TNNI3K: variants seen among roughly 807,000 people sequenced by gnomAD.
The protein encoded by TNNI3K is serine/threonine-protein kinase TNNI3K.
Under a neutral mutation model 114.5 loss-of-function variants are expected in TNNI3K, and 140 were observed. That is an observed-to-expected ratio of 1.22 (90% CI 1.07 to 1.41). The LOEUF is 1.41. TNNI3K is among the 40% of genes most tolerant of loss of function. TNNI3K has a pLI of 0.00. For synonymous variants in TNNI3K, 347 were observed against 347.5 expected (o/e 1.00, Z 0.02); for missense variants, 1,125 against 1,007.6 (o/e 1.12, Z -1.58).
chr1:74,305,470 AC>A (rs1208194723), intron 5 of TNNI3K, among the ~76,000 whole-genome samples: 4 of 152,060 alleles, frequency 2.6e-5, no homozygotes, highest in Non-Finnish European at 5.9e-5. Context: ...AAACTAGAAA[AC>A]CCTTGAAGCT....
Position 74,367,256 on chromosome 1 carries a change from G to T in TNNI3K, c.1178G>T (p.Gly393Val). The change falls in exon 12 of 25, where the codon GGG becomes GTG. Residue 393 changes from glycine (G) to valine (V), a missense_variant and splice_region_variant. Transcript: ENST00000326637. ...QTCLMWAYEK[G>V]HDAIVTLLKH... ...TTGTTCTTTGTATCTTTTCATAAAG[G>T]GCATGATGCCATTGTCACACTCCTG... 6.2e-7 allele frequency: 1 copy of T among 1,611,502 alleles called. No individual in the cohort carries two copies. Among genetic ancestry groups the T allele is most frequent in the South Asian group, 1.1e-5 (1 of 90,940 alleles).
chr1:74,275,853 G>A (rs983918638), intron 5 of TNNI3K, among the ~76,000 whole-genome samples: 4 of 152,070 alleles, frequency 2.6e-5, no homozygotes, highest in Non-Finnish European at 5.9e-5. Context: ...ACACACAAGA[G>A]TAGATGGCAT....
intron 11 of TNNI3K, among the ~76,000 whole-genome samples, chr1:74,358,335 A>G (rs1557518787): frequency 6.6e-6 from 1 of 152,124 alleles, no homozygotes; most frequent in East Asian, 1.9e-4. Flanking sequence ...ATAAGGGAGC[A>G]AAAACAATAA....
chr1:74,268,039 TAA>T (rs1656110385), intron 4 of TNNI3K, among the ~76,000 whole-genome samples: 1 of 151,964 alleles, frequency 6.6e-6, no homozygotes, highest in Non-Finnish European at 1.5e-5. Flanking sequence ...ATTTGTTGAA[TAA>T]AAGAGTATCC....
intron 5 of TNNI3K, among the ~76,000 whole-genome samples, chr1:74,310,628 T>G (rs558756): frequency 1 from 151,882 of 152,282 alleles, 75,743 homozygotes; most frequent in Non-Finnish European, 1. Context: ...GCATATAGAT[T>G]AACAGAACAC....
intron 4 of TNNI3K, among the ~76,000 whole-genome samples, chr1:74,254,016 T>C (rs1231788967): frequency 6.6e-6 from 1 of 152,262 alleles, no homozygotes. Flanking sequence ...ATAATTCATT[T>C]TGGGCTCCAG....
chr1:74,434,069 C>A (rs914018250), intron 17 of TNNI3K, among the ~76,000 whole-genome samples: 1 of 151,606 alleles, frequency 6.6e-6, no homozygotes, highest in Non-Finnish European at 1.5e-5. Context: ...GCACTTTAGT[C>A]ATTTGGTAAT....
chr1:74,534,733 C>A (rs1262459143), intron 23 of TNNI3K, among the ~76,000 whole-genome samples: 1 of 151,922 alleles, frequency 6.6e-6, no homozygotes, highest in Non-Finnish European at 1.5e-5. Context: ...CTACAGATTT[C>A]TTTTATATAA....
At chr1:74,311,404 T>C (rs1340584469) in intron 5 of TNNI3K, among the ~76,000 whole-genome samples, 1 of 152,174 alleles carries the variant, frequency 6.6e-6, no homozygotes, top group African/African-American at 2.4e-5. Context: ...TCCCTCCTTA[T>C]TGAAAAAAGT....
At chr1:74,262,138 A>G (rs1432497621) in intron 4 of TNNI3K, among the ~76,000 whole-genome samples, 1 of 152,130 alleles carries the variant, frequency 6.6e-6, no homozygotes, top group East Asian at 1.9e-4. Context: ...GACCCAAAGT[A>G]AGTGTTTCAT....
rs1354976784 is a variant in TNNI3K at position 74,481,037 on chromosome 1, G to C, written c.2122-8152G>C. The C allele has an allele frequency of 6.3e-6, 4 of 632,288 alleles. No individual in the cohort carries two copies. In the African/African-American group the frequency reaches 7.3e-5, roughly 12 times the overall value. The allele number at this position is 632,288 out of a possible 1,614,324, so 39.2% of individuals were successfully genotyped here. ...TGGGAGGGAGGGGGTATGGTGGAGA[G>C]CAGAGAATCAATATCCTCTGAGCAA... On this transcript the variant is annotated intron_variant, in intron 21 of 24. Transcript: ENST00000326637.
At chr1:74,453,335 A>G (rs954191084) in intron 20 of TNNI3K, among the ~76,000 whole-genome samples, 2 of 152,228 alleles carry the variant, frequency 1.3e-5, no homozygotes, top group African/African-American at 4.8e-5. Flanking sequence ...TTGGACAGTT[A>G]CCATGAATCA....
chr1:74,367,849 C>G, intron 12 of TNNI3K, 59 bp from the exon 13 acceptor site: 41 of 1,489,908 alleles, frequency 2.8e-5, no homozygotes, highest in Non-Finnish European at 3.4e-5. Context: ...TAATGTTGAA[C>G]TTTTATGTAG....
At chr1:74,316,287 T>C (rs1446866693) in intron 5 of TNNI3K, among the ~76,000 whole-genome samples, 1 of 152,224 alleles carries the variant, frequency 6.6e-6, no homozygotes, top group Non-Finnish European at 1.5e-5. Context: ...CTTGATCTCC[T>C]TTCCTCTGCC....
At chr1:74,397,995 G>GA (rs145410214) in intron 17 of TNNI3K, among the ~76,000 whole-genome samples, 1 of 152,126 alleles carries the variant, frequency 6.6e-6, no homozygotes, top group Admixed American at 6.5e-5. Flanking sequence ...ATAGCAGGGG[G>GA]AAAAAATTAA....
chr1:74,476,318 T>G (rs1668203456), intron 21 of TNNI3K, among the ~76,000 whole-genome samples: 1 of 152,158 alleles, frequency 6.6e-6, no homozygotes, highest in Non-Finnish European at 1.5e-5. Flanking sequence ...TCTTGACAAA[T>G]GGCATCCTCA....
chr1:74,313,983 A>C (rs1659144864), intron 5 of TNNI3K, among the ~76,000 whole-genome samples: 1 of 150,712 alleles, frequency 6.6e-6, no homozygotes, highest in African/African-American at 2.4e-5. Flanking sequence ...GATATTCTGT[A>C]GAGCCCAAGA....
chr1:74,433,070 C>T (rs1216172480), intron 17 of TNNI3K, among the ~76,000 whole-genome samples: 1 of 152,100 alleles, frequency 6.6e-6, no homozygotes, highest in Non-Finnish European at 1.5e-5. Flanking sequence ...TCTCTCTGCA[C>T]TGCCACCATC....
At chr1:74,477,166 A>G (rs182911257) in intron 21 of TNNI3K, among the ~76,000 whole-genome samples, 76 of 152,276 alleles carry the variant, frequency 5.0e-4, no homozygotes, top group African/African-American at 1.8e-3. Flanking sequence ...AATGTTAAAG[A>G]ATATATTAAA....
Sources: gnomAD v4.1 joint callset for allele counts (sites outside exome capture counted in the v4.1 genomes callset) on GRCh38, gnomAD v4.1.1 for gene constraint, MANE v1.5 for transcripts, NCBI Gene and HGNC (gene_info 2026-07-23, HGNC 2026-07-21) for gene names.